Variants in MAP3K13 observed in about 807,000 individuals in gnomAD.
MAP3K13 encodes leucine zipper-bearing kinase.
Under a neutral mutation model 104.0 loss-of-function variants are expected in MAP3K13, and 52 were observed. The ratio of observed to expected loss-of-function variants is 0.50; its 90% confidence interval spans 0.40 to 0.63. The LOEUF is 0.63. Among genes scored for constraint, MAP3K13 ranks in the 20% least tolerant of loss-of-function variants. The pLI is 0.00. For missense variants in MAP3K13, 914 were observed against 1,218.5 expected, an observed-to-expected ratio of 0.75 and a Z score of 3.72; for synonymous variants, 394 against 442.2, an observed-to-expected ratio of 0.89 and a Z score of 1.37.
At chr3:185,330,608 CA>C (rs1164237239) in intron 2 of MAP3K13, among the ~76,000 whole-genome samples, 1 of 152,060 alleles carries the variant, frequency 6.6e-6, no homozygotes, top group Non-Finnish European at 1.5e-5. Flanking sequence ...GCCAGTGTGG[CA>C]GGTAACATTG....
intron 2 of MAP3K13, among the ~76,000 whole-genome samples, chr3:185,294,477 A>G (rs1230850594): frequency 6.6e-6 from 1 of 152,232 alleles, no homozygotes; most frequent in African/African-American, 2.4e-5. Flanking sequence ...CTTATAAATT[A>G]TATGAATGTA....
chr3:185,434,425 G>A (rs1266669931), intron 2 of MAP3K13, among the ~76,000 whole-genome samples: 1 of 152,166 alleles, frequency 6.6e-6, no homozygotes, highest in Non-Finnish European at 1.5e-5. Flanking sequence ...TTGCTATTGT[G>A]AGCGAAACTA....
chr3:185,388,066 A>G (rs867984056), intron 1 of MAP3K13, among the ~76,000 whole-genome samples: 4 of 152,108 alleles, frequency 2.6e-5, no homozygotes, highest in African/African-American at 9.6e-5. Flanking sequence ...CAAAATATAT[A>G]CCAACAACAA....
chr3:185,457,496 G>A (rs911807370), intron 7 of MAP3K13, among the ~76,000 whole-genome samples: 4 of 152,172 alleles, frequency 2.6e-5, no homozygotes, highest in Non-Finnish European at 5.9e-5. Context: ...CTCACGAGGT[G>A]GAAGGGTGAA....
In MAP3K13 at chr3:185,446,316, C is replaced by T. The variant is rs1042906335; in HGVS notation, c.852-1473C>T. On this transcript the variant is annotated intron_variant, in intron 4 of 13. Coordinates refer to ENST00000265026, the MANE Select transcript of MAP3K13 (RefSeq NM_004721.5). ...TGTCGCCCAGGCTGTAGTGCAGTGG[C>T]ACAATCTCCACTCACTGCAAGCTCC... Among the ~76,000 whole-genome samples the T allele has an allele frequency of 2.0e-5, 3 of 150,856 alleles. No individual in the cohort carries two copies. In the East Asian group the frequency reaches 5.8e-4, roughly 29 times the overall value.
At chr3:185,292,003 T>C (rs1370549624) in intron 2 of MAP3K13, 68 of 1,015,058 alleles carry the variant, frequency 6.7e-5, no homozygotes, top group Non-Finnish European at 8.0e-5. Flanking sequence ...TATCATATCC[T>C]ATAAAAAGTT....
Position 185,486,257 on chromosome 3 carries a change from T to A in MAP3K13, c.*3801T>A, listed in dbSNP as rs1294989054. On this transcript the variant is annotated 3_prime_UTR_variant, in exon 14 of 14. Coordinates refer to ENST00000265026, the MANE Select transcript of MAP3K13 (RefSeq NM_004721.5). ...TATGCTATTGTCATCATACACCTTATGTGGATTAACTGTTATGAGTATGTT... is the reference window on the plus strand; with the variant it reads ...TATGCTATTGTCATCATACACCTTAAGTGGATTAACTGTTATGAGTATGTT... The A allele has an allele frequency of 6.6e-6, 1 of 152,228 alleles. No individual in the cohort carries two copies. Among genetic ancestry groups the A allele is most frequent in the African/African-American group, 2.4e-5 (1 of 41,464 alleles). 9.4% of individuals were successfully genotyped at this position (152,228 alleles called of 1,614,324 possible). A position where few individuals can be genotyped will look rare whatever the true frequency, so the allele number is the denominator to read the frequency against.
In MAP3K13 at chr3:185,488,669, C is replaced by A. The variant is rs1718837103; in HGVS notation, c.*6213C>A. Reference sequence around the variant, plus strand: ...CTTCACAGCACTCAGGGATCGCTGGCTCCCGGCCCTAGGCTGCTGTCCAGT... The same window carrying A: ...CTTCACAGCACTCAGGGATCGCTGGATCCCGGCCCTAGGCTGCTGTCCAGT... On this transcript the variant is annotated 3_prime_UTR_variant, in exon 14 of 14. Transcript: ENST00000265026. 6.6e-6 allele frequency: 1 copy of A among 152,288 alleles called. No individual in the cohort carries two copies. The highest frequency in any genetic ancestry group is 2.4e-5 in the African/African-American group (1 of 41,452). 9.4% of individuals were successfully genotyped at this position (152,288 alleles called of 1,614,324 possible).
chr3:185,455,716 G>GATATATATGATATATATATGAGAT (rs1560120600), intron 7 of MAP3K13, among the ~76,000 whole-genome samples: 231 of 10,838 alleles, frequency 0.021, 8 homozygotes, highest in African/African-American at 0.042. Context: ...ATATATATGA[G>GATATATATGATATATATATGAGAT]ATATATATGA....
intron 7 of MAP3K13, among the ~76,000 whole-genome samples, chr3:185,459,869 A>G (rs1395631464): frequency 6.6e-6 from 1 of 152,100 alleles, no homozygotes; most frequent in African/African-American, 2.4e-5. Flanking sequence ...GTAACTCCCC[A>G]TTCCCTCCTC....
chr3:185,396,758 C>T (rs1712449473), intron 1 of MAP3K13, among the ~76,000 whole-genome samples: 1 of 152,288 alleles, frequency 6.6e-6, no homozygotes, highest in South Asian at 2.1e-4. Flanking sequence ...CTGTGATCCT[C>T]TTCCCTCCTT....
intron 1 of MAP3K13, among the ~76,000 whole-genome samples, chr3:185,388,328 T>G (rs1037473738): frequency 6.6e-5 from 10 of 151,682 alleles, no homozygotes; most frequent in Admixed American, 6.6e-4. Context: ...GAGGCAAAAT[T>G]TTGTCTCTAC....
At chr3:185,428,326 A>C (rs970036860) in intron 1 of MAP3K13, among the ~76,000 whole-genome samples, 171 bp from the exon 2 acceptor site, 1 of 152,112 alleles carries the variant, frequency 6.6e-6, no homozygotes, top group Non-Finnish European at 1.5e-5. Context: ...TCATGTTCAT[A>C]AATACTCTTC....
chr3:185,487,257 T>G lies in MAP3K13; in HGVS notation c.*4801T>G, dbSNP rs1263012847. Reference sequence around the variant, plus strand: ...ATGGCTCACTGCAGCCTCAACCTCCTGGGCTCAAGTGATCCTCCCACCTCA... The same window carrying G: ...ATGGCTCACTGCAGCCTCAACCTCCGGGGCTCAAGTGATCCTCCCACCTCA... On this transcript the variant is annotated 3_prime_UTR_variant, in exon 14 of 14. Coordinates refer to ENST00000265026, the MANE Select transcript of MAP3K13 (RefSeq NM_004721.5). The G allele has an allele frequency of 6.6e-6, 1 of 152,246 alleles. No homozygotes were observed. The highest frequency in any genetic ancestry group is 2.4e-5 in the African/African-American group (1 of 41,370). 9.4% of individuals were successfully genotyped at this position (152,246 alleles called of 1,614,324 possible).
intron 1 of MAP3K13, among the ~76,000 whole-genome samples, chr3:185,371,361 G>C (rs903664933): frequency 6.6e-6 from 1 of 152,184 alleles, no homozygotes; most frequent in Non-Finnish European, 1.5e-5. Context: ...TAGCAGTGTG[G>C]TAAAAACATC....
Position 185,437,368 on chromosome 3 carries a change from A to C in MAP3K13, c.476-79A>C, listed in dbSNP as rs1715098362. On this transcript the variant is annotated intron_variant, in intron 2 of 13. Transcript: ENST00000265026. ...TAAGGGTCATCCTGGGTGACGATGA[A>C]GTTGGTACCTTCAGAATGGCCTTGT... 3.1e-6 allele frequency: 4 copies of C among 1,291,930 alleles called. No individual in the cohort carries two copies. In the South Asian group the frequency reaches 5.6e-5, roughly 18 times the overall value. 80.0% of individuals were successfully genotyped at this position (1,291,930 alleles called of 1,614,324 possible).
In MAP3K13 at chr3:185,463,677, T is replaced by C. The variant is rs773962168; in HGVS notation, c.1388+18T>C. On this transcript the variant is annotated intron_variant, in intron 8 of 13. Transcript: ENST00000265026. The stretch of plus-strand genomic sequence containing the variant: ...GAGCTCAGGTCAGCTCATCCCTCCT[T>C]CCCCACCTCCCTTCATCCCCAGGTC... 1.1e-5 allele frequency: 16 copies of C among 1,455,542 alleles called. No individual in the cohort carries two copies. In the African/African-American group the frequency reaches 2.2e-4, roughly 20 times the overall value. 90.2% of individuals were successfully genotyped at this position (1,455,542 alleles called of 1,614,324 possible). A position where few individuals can be genotyped will look rare whatever the true frequency, so the allele number is the denominator to read the frequency against.
chr3:185,452,107 T>C (rs1176795783), intron 7 of MAP3K13, among the ~76,000 whole-genome samples: 1 of 152,196 alleles, frequency 6.6e-6, no homozygotes, highest in Non-Finnish European at 1.5e-5. Flanking sequence ...GAGCCTATGA[T>C]AGAACTCAGC....
chr3:185,395,432 C>T (rs1213210734), intron 1 of MAP3K13, among the ~76,000 whole-genome samples: 1 of 77,238 alleles, frequency 1.3e-5, no homozygotes, highest in Non-Finnish European at 2.5e-5. Context: ...GATCTCGGCT[C>T]ACTGCAAGCT....
Sources: gnomAD v4.1 joint callset for allele counts (sites outside exome capture counted in the v4.1 genomes callset) on GRCh38, gnomAD v4.1.1 for gene constraint, MANE v1.5 for transcripts, NCBI Gene and HGNC (gene_info 2026-07-23, HGNC 2026-07-21) for gene names.